Variants in DYSF observed in about 807,000 individuals in gnomAD.
DYSF encodes dysferlin, also known as dystrophy-associated fer-1-like 1.
DYSF carries 212 observed loss-of-function variants against 274.9 expected under a neutral mutation model. That is an observed-to-expected ratio of 0.77 (90% CI 0.69 to 0.86). The LOEUF (loss-of-function observed/expected upper bound fraction) is 0.86. Ranked by LOEUF, DYSF falls within the 40% of genes least tolerant of loss-of-function variation. The pLI is 0.00. For synonymous variants in DYSF, 1,091 were observed against 1,078.7 expected, an observed-to-expected ratio of 1.01 and a Z score of -0.22; for missense variants, 2,666 against 2,783.2, an observed-to-expected ratio of 0.96 and a Z score of 0.95.
chr2:71,663,047 A>ATATTTGTGTGTGTATGTCTGTGTG (rs1306479068), intron 45 of DYSF, among the ~76,000 whole-genome samples: 1 of 142,842 alleles, frequency 7.0e-6, no homozygotes, highest in Non-Finnish European at 1.6e-5. Flanking sequence ...GTGTGCGCGC[A>ATATTTGTGTGTGTATGTCTGTGTG]CGCGCGTGGT....
At chr2:71,580,346 C>T (rs868058467) in intron 30 of DYSF, among the ~76,000 whole-genome samples, 25 of 152,242 alleles carry the variant, frequency 1.6e-4, no homozygotes, top group Admixed American at 7.8e-4. Context: ...AAGCCTGGGC[C>T]GGCGAGGCAA....
At chr2:71,611,728 C>T (rs2093767136) in intron 38 of DYSF, 102 bp downstream of exon 38, 1 of 1,420,726 alleles carries the variant, frequency 7.0e-7, no homozygotes, top group South Asian at 1.2e-5. Context: ...CCTGCGGGAT[C>T]CAGGGTAGGA....
intron 19 of DYSF, 77 bp from the exon 20 acceptor site, chr2:71,552,934 A>G: frequency 6.6e-7 from 1 of 1,513,610 alleles, no homozygotes; most frequent in South Asian, 1.2e-5. Flanking sequence ...GGGGCCTGCC[A>G]GACGTATGTC....
chr2:71,569,616 T>C (rs987200187), intron 26 of DYSF, among the ~76,000 whole-genome samples: 3 of 152,212 alleles, frequency 2.0e-5, no homozygotes, highest in Admixed American at 6.5e-5. Context: ...TGTGCTCTTT[T>C]GTCCCCGATT....
chr2:71,576,518 A>C (rs989328831), intron 30 of DYSF: 3 of 157,310 alleles, frequency 1.9e-5, no homozygotes, highest in African/African-American at 7.2e-5. Context: ...GGGAAGGGCC[A>C]GAGGTGGACA....
intron 53 of DYSF, among the ~76,000 whole-genome samples, chr2:71,680,262 GT>G (rs1000737866): frequency 2.6e-5 from 4 of 151,748 alleles, no homozygotes; most frequent in Non-Finnish European, 4.4e-5. Context: ...TTTTAAATGT[GT>G]TTTTTTTGTC....
intron 41 of DYSF, among the ~76,000 whole-genome samples, chr2:71,631,057 G>T (rs921159461): frequency 6.6e-6 from 1 of 152,176 alleles, no homozygotes; most frequent in Non-Finnish European, 1.5e-5. Flanking sequence ...CCAGGTTGGG[G>T]GGATGTGGGA....
At chr2:71,571,226 TCAGCACACACAGATCACACC>T (rs1250310866) in intron 29 of DYSF, among the ~76,000 whole-genome samples, 4 of 84,026 alleles carry the variant, frequency 4.8e-5, no homozygotes, top group African/African-American at 2.0e-4. Flanking sequence ...CAGTTCACAC[TCAGCACACACAGATCACACC>T]CAACACACCC....
At chr2:71,590,028 C>T (rs2093211230) in intron 31 of DYSF, among the ~76,000 whole-genome samples, 183 bp from the exon 32 acceptor site, 1 of 152,248 alleles carries the variant, frequency 6.6e-6, no homozygotes, top group Non-Finnish European at 1.5e-5. Context: ...GTTAATTAGT[C>T]AGGTGTCCGC....
In DYSF at chr2:71,677,207, G is replaced by T. The variant is rs78082948; in HGVS notation, c.5885-1850G>T. 1.7e-3 allele frequency among the ~76,000 whole-genome samples: 259 copies of T among 152,256 alleles called. 9 individuals carry two copies. In the East Asian group the frequency reaches 0.047, roughly 28 times the overall value. On this transcript the variant is annotated intron_variant, in intron 52 of 55. Transcript: ENST00000410020. ...AAGCAGACGCACAGATGGAAGGACG[G>T]ATTGATAAATGGATGAGTGGAAAGA...
chr2:71,658,796 A>C, intron 43 of DYSF, 82 bp from the exon 44 acceptor site: 1 of 1,560,274 alleles, frequency 6.4e-7, no homozygotes, highest in Non-Finnish European at 8.8e-7. Context: ...GATACAATTC[A>C]AGTTGAGATT....
At chr2:71,583,931 A>AT (rs1574160550) in intron 30 of DYSF, among the ~76,000 whole-genome samples, 1 of 152,148 alleles carries the variant, frequency 6.6e-6, no homozygotes, top group East Asian at 1.9e-4. Flanking sequence ...TCATATTCCT[A>AT]TGCTCAGGCT....
intron 1 of DYSF, among the ~76,000 whole-genome samples, chr2:71,455,997 C>G (rs768628491): frequency 6.6e-6 from 1 of 152,144 alleles, no homozygotes; most frequent in Admixed American, 6.5e-5. Flanking sequence ...CCCAGAAGTG[C>G]AGGAAGTGCT....
At chr2:71,609,216 A>G (rs1036717005) in intron 36 of DYSF, among the ~76,000 whole-genome samples, 4 of 152,204 alleles carry the variant, frequency 2.6e-5, no homozygotes, top group African/African-American at 9.7e-5. Flanking sequence ...TGTGACATGC[A>G]TAGCAGCCCC....
chr2:71,678,752 G>A (rs906330053), intron 52 of DYSF, among the ~76,000 whole-genome samples: 1 of 152,186 alleles, frequency 6.6e-6, no homozygotes, highest in African/African-American at 2.4e-5. Flanking sequence ...TATAGACGGT[G>A]TATGAATGGA....
At chr2:71,515,141 C>T (rs1054052499) in intron 7 of DYSF, among the ~76,000 whole-genome samples, 3 of 152,176 alleles carry the variant, frequency 2.0e-5, no homozygotes, top group Non-Finnish European at 2.9e-5. Flanking sequence ...TTACTTACAG[C>T]TCAATGGCAA....
At chr2:71,481,999 G>A (rs748087929) in intron 3 of DYSF, 29 bp downstream of exon 3, 14 of 1,579,384 alleles carry the variant, frequency 8.9e-6, no homozygotes, top group Non-Finnish European at 1.2e-5. Context: ...GGTGCTCCAT[G>A]GCTTGAAGGT....
intron 41 of DYSF, 106 bp downstream of exon 41, chr2:71,620,715 G>A (rs529752636): frequency 8.2e-7 from 1 of 1,219,810 alleles, no homozygotes; most frequent in Admixed American, 2.1e-5. Flanking sequence ...GAAGAAAGGA[G>A]GTATTTCCTG....
At chr2:71,493,320 A>C (rs1401484045) in intron 3 of DYSF, among the ~76,000 whole-genome samples, 1 of 152,188 alleles carries the variant, frequency 6.6e-6, no homozygotes, top group Non-Finnish European at 1.5e-5. Context: ...TCCATATTGA[A>C]TTTAGTCATG....
Sources: gnomAD v4.1 joint callset for allele counts (sites outside exome capture counted in the v4.1 genomes callset) on GRCh38, gnomAD v4.1.1 for gene constraint, MANE v1.5 for transcripts, NCBI Gene and HGNC (gene_info 2026-07-23, HGNC 2026-07-21) for gene names.